Variants in FAM163A observed in about 807,000 individuals in gnomAD.
The protein encoded by FAM163A is protein FAM163A.
Under a neutral mutation model 12.0 loss-of-function variants are expected in FAM163A, and 7 were observed. The observed-to-expected ratio is 0.58, with a 90% CI of 0.33 to 1.10. The LOEUF (loss-of-function observed/expected upper bound fraction) is 1.10. FAM163A is among the 50% of genes least tolerant of loss of function. FAM163A has a pLI of 0.03. For missense variants in FAM163A, 202 were observed against 218.6 expected (o/e 0.92, Z 0.48); for synonymous variants, 101 against 91.0 (o/e 1.11, Z -0.62).
chr1:179,759,464 A>G (rs11589737), intron 1 of FAM163A, among the ~76,000 whole-genome samples: 12,253 of 152,220 alleles, frequency 0.08, 760 homozygotes, highest in African/African-American at 0.17. Flanking sequence ...ACGTGGATGA[A>G]GGGACACTTA....
At chr1:179,790,753 G>A (rs563340828) in intron 1 of FAM163A, among the ~76,000 whole-genome samples, 6 of 148,286 alleles carry the variant, frequency 4.0e-5, no homozygotes, top group East Asian at 3.9e-4. Flanking sequence ...CCACTGTCAA[G>A]GTGGGAGAAG....
chr1:179,757,615 C>T (rs915535788), intron 1 of FAM163A, among the ~76,000 whole-genome samples: 1 of 152,020 alleles, frequency 6.6e-6, no homozygotes, highest in Non-Finnish European at 1.5e-5. Context: ...AGTTCGAGAC[C>T]AGACTGGCCA....
At chr1:179,735,291 G>A in the FAM163A span, among the ~76,000 whole-genome samples, 7 of 152,080 alleles carry the variant, frequency 4.6e-5, no homozygotes, top group African/African-American at 1.4e-4. Context: ...AAGCATCAAA[G>A]AGCTAATACG....
At chr1:179,761,388 C>T (rs1351836731) in intron 1 of FAM163A, among the ~76,000 whole-genome samples, 3 of 152,186 alleles carry the variant, frequency 2.0e-5, no homozygotes, top group African/African-American at 7.2e-5. Context: ...GGCTGGTGAC[C>T]GTGACTGCAC....
At chr1:179,759,295 CTCCCAT>C in intron 1 of FAM163A, among the ~76,000 whole-genome samples, 1 of 151,876 alleles carries the variant, frequency 6.6e-6, no homozygotes, top group East Asian at 1.9e-4. Context: ...CACCTCCCCA[CTCCCAT>C]CACATTGAGA....
At chr1:179,764,836 G>C (rs1447184755) in intron 1 of FAM163A, among the ~76,000 whole-genome samples, 1 of 152,164 alleles carries the variant, frequency 6.6e-6, no homozygotes, top group Non-Finnish European at 1.5e-5. Context: ...TGCCTCATTT[G>C]TAAAAAGGGG....
At chr1:179,743,799 G>A in intron 1 of FAM163A, among the ~76,000 whole-genome samples, 1 of 152,262 alleles carries the variant, frequency 6.6e-6, no homozygotes, top group East Asian at 1.9e-4. Flanking sequence ...TGCCGAAGGC[G>A]CTCTACTCAG....
chr1:179,730,086 T>C, the FAM163A span: 4 of 152,130 alleles, frequency 2.6e-5, no homozygotes, highest in African/African-American at 9.7e-5. Flanking sequence ...GAAAGACAGG[T>C]TAGGTATCAC....
intron 1 of FAM163A, among the ~76,000 whole-genome samples, chr1:179,780,401 C>A: frequency 6.6e-6 from 1 of 152,158 alleles, no homozygotes; most frequent in Non-Finnish European, 1.5e-5. Flanking sequence ...TTGCCAGTGA[C>A]CATCATCAAG....
chr1:179,770,795 T>G (rs999629441), intron 1 of FAM163A, among the ~76,000 whole-genome samples: 11 of 141,702 alleles, frequency 7.8e-5, no homozygotes, highest in Non-Finnish European at 1.7e-4. Flanking sequence ...TTCTCTGTGC[T>G]CACCTGGAAA....
chr1:179,793,027 G>T (rs1000568230), intron 1 of FAM163A, among the ~76,000 whole-genome samples: 1 of 151,822 alleles, frequency 6.6e-6, no homozygotes, highest in Non-Finnish European at 1.5e-5. Context: ...AAAAAAAAAG[G>T]CATGGAATCA....
chr1:179,774,740 A>G (rs897704435), intron 1 of FAM163A, among the ~76,000 whole-genome samples: 4 of 152,300 alleles, frequency 2.6e-5, no homozygotes, highest in African/African-American at 9.6e-5. Context: ...GGCAGAAGTC[A>G]CGGCCAGGAC....
chr1:179,813,840 A>T lies in FAM163A; in HGVS notation c.155A>T (p.Asp52Val), dbSNP rs755292830. Reference sequence around the variant, plus strand: ...GACGAGGAGGAGGAGCGGGAGCACGACCTTCCCACGCATCCCAGAGGCCCC... The same window carrying T: ...GACGAGGAGGAGGAGCGGGAGCACGTCCTTCCCACGCATCCCAGAGGCCCC... ...VADEEEEREH[D>V]LPTHPRGPTC... The change falls in exon 5 of 5, where the codon GAC becomes GTC. Residue 52 changes from aspartate (D) to valine (V), a missense_variant. Coordinates refer to ENST00000341785, the MANE Select transcript of FAM163A (RefSeq NM_173509.3). 1 of 1,613,840 alleles carries T rather than the reference A, an allele frequency of 6.2e-7. No individual in the cohort carries two copies. Among genetic ancestry groups the T allele is most frequent in the Non-Finnish European group, 8.5e-7 (1 of 1,180,000 alleles).
chr1:179,782,973 G>T (rs963251389), intron 1 of FAM163A, among the ~76,000 whole-genome samples: 1 of 151,950 alleles, frequency 6.6e-6, no homozygotes, highest in South Asian at 2.1e-4. Flanking sequence ...ATTCATTCAT[G>T]TACAAAATTA....
intron 1 of FAM163A, among the ~76,000 whole-genome samples, chr1:179,782,139 G>C (rs1205367257): frequency 6.6e-6 from 1 of 152,072 alleles, no homozygotes; most frequent in Non-Finnish European, 1.5e-5. Flanking sequence ...ATGATCTCAC[G>C]GGCCGGGTGG....
chr1:179,796,532 T>C (rs1185522534), intron 1 of FAM163A, among the ~76,000 whole-genome samples: 1 of 152,212 alleles, frequency 6.6e-6, no homozygotes, highest in Non-Finnish European at 1.5e-5. Flanking sequence ...CTTGCACAGA[T>C]GGCAGCTGCC....
chr1:179,788,372 C>T (rs1690945861), intron 1 of FAM163A, among the ~76,000 whole-genome samples: 2 of 152,218 alleles, frequency 1.3e-5, no homozygotes, highest in Admixed American at 1.3e-4. Flanking sequence ...ATCTGGAGCC[C>T]ATTTACTTCC....
intron 1 of FAM163A, among the ~76,000 whole-genome samples, chr1:179,791,551 A>T (rs1418931802): frequency 6.6e-6 from 1 of 152,208 alleles, no homozygotes; most frequent in African/African-American, 2.4e-5. Flanking sequence ...GTGGAAAAAG[A>T]AGGGGAATAG....
chr1:179,786,091 C>CA, intron 1 of FAM163A, among the ~76,000 whole-genome samples: 1 of 151,804 alleles, frequency 6.6e-6, no homozygotes, highest in Non-Finnish European at 1.5e-5. Flanking sequence ...ACTCCCTTGC[C>CA]AAAAAGGGGC....
Sources: allele counts gnomAD v4.1 joint callset (sites outside exome capture counted in the v4.1 genomes callset), GRCh38; gene constraint gnomAD v4.1.1; transcripts MANE v1.5; gene names NCBI Gene and HGNC (gene_info 2026-07-23, HGNC 2026-07-21).